The following UBE4B variants were observed in gnomAD, a reference collection of about 807,000 sequenced individuals.
UBE4B encodes ubiquitination factor E4B, also known as ubiquitin conjugation factor E4 B.
UBE4B carries 27 observed loss-of-function variants against 148.1 expected under a neutral mutation model. The observed-to-expected ratio is 0.18, with a 90% confidence interval of 0.13 to 0.25. The LOEUF (loss-of-function observed/expected upper bound fraction) is 0.25. Ranked by LOEUF, UBE4B falls within the 10% of genes least tolerant of loss-of-function variation. The probability of loss-of-function intolerance (pLI) is 1.00; values close to 1 mark genes in which losing one functional copy is unlikely to be tolerated. For synonymous variants in UBE4B, 596 were observed against 619.3 expected (o/e 0.96, Z 0.56); for missense variants, 1,170 against 1,662.4 (o/e 0.70, Z 5.15).
At chr1:10,132,519 A>C (rs369019073) in intron 15 of UBE4B, 37 bp downstream of exon 15, 5 of 1,579,804 alleles carry the variant, frequency 3.2e-6, no homozygotes, top group Non-Finnish European at 4.3e-6. Context: ...CTGTTTGTCA[A>C]ATTCATTCAT....
chr1:10,100,540 T>A (rs1370936936), intron 3 of UBE4B, among the ~76,000 whole-genome samples: 1 of 152,104 alleles, frequency 6.6e-6, no homozygotes, highest in Non-Finnish European at 1.5e-5. Context: ...GTAACCTACT[T>A]TAATGATATA....
At chr1:10,048,754 G>A (rs369172773) in intron 1 of UBE4B, among the ~76,000 whole-genome samples, 1 of 152,216 alleles carries the variant, frequency 6.6e-6, no homozygotes, top group Non-Finnish European at 1.5e-5. Flanking sequence ...GCTGACTGGA[G>A]CAAGTTCAAG....
chr1:10,171,328 A>C lies in UBE4B; in HGVS notation c.3524A>C (p.Gln1175Pro). The change falls in exon 25 of 28, where the codon CAG becomes CCG. Residue 1175 changes from glutamine (Q) to proline (P), a missense_variant and splice_region_variant. Transcript: ENST00000343090. ...TTCGCGAAAGCCATTGCTGACGACC[A>C]GGTCAGTGAGTTGAGTTGGTCTCTC... ...ARFAKAIADDQRSYSKELFEE... is the reference protein window; with the variant it reads ...ARFAKAIADDPRSYSKELFEE... 1 of 1,613,064 alleles carries C rather than the reference A, an allele frequency of 6.2e-7. No homozygotes were observed.
chr1:10,035,572 A>AT (rs952758264), intron 1 of UBE4B, among the ~76,000 whole-genome samples: 6 of 125,362 alleles, frequency 4.8e-5, no homozygotes, highest in East Asian at 2.5e-4. Flanking sequence ...AGTTTTTTGT[A>AT]TTTTTTTGTG....
intron 1 of UBE4B, among the ~76,000 whole-genome samples, chr1:10,038,726 T>C (rs1215286525): frequency 6.6e-6 from 1 of 152,222 alleles, no homozygotes; most frequent in Non-Finnish European, 1.5e-5. Flanking sequence ...CATGAATGCA[T>C]TCATGATGTG....
chr1:10,045,091 T>G (rs1349212359), intron 1 of UBE4B, among the ~76,000 whole-genome samples: 1 of 152,136 alleles, frequency 6.6e-6, no homozygotes, highest in Non-Finnish European at 1.5e-5. Flanking sequence ...CAGAACTCAA[T>G]GTAGGGTTCA....
Position 10,072,128 on chromosome 1 carries a change from T to C in UBE4B, c.125T>C (p.Ile42Thr), listed in dbSNP as rs768969960. 2 of 1,613,792 alleles carry C rather than the reference T, an allele frequency of 1.2e-6. No individual in the cohort carries two copies. Among genetic ancestry groups the C allele is most frequent in the South Asian group, 1.1e-5 (1 of 91,012 alleles). Residue 42 changes from isoleucine (I) to threonine (T), a missense_variant, in exon 2 of 28, where the codon ATA (isoleucine) becomes ACA (threonine). Physicochemically the swap from Ile to Thr is moderately conservative, Grantham distance 89. Transcript: ENST00000343090. ...AGGGAGAACCCTCCGGGGCCTCCCATAGCGGCATCAGCCCCAGGACCCTCT... is the reference window on the plus strand; with the variant it reads ...AGGGAGAACCCTCCGGGGCCTCCCACAGCGGCATCAGCCCCAGGACCCTCT... ...PQRENPPGPP[I>T]AASAPGPSQS...
intron 2 of UBE4B, among the ~76,000 whole-genome samples, chr1:10,077,114 A>G (rs1201380453): frequency 6.6e-6 from 1 of 152,006 alleles, no homozygotes; most frequent in African/African-American, 2.4e-5. Flanking sequence ...CCTATCAAAA[A>G]CTTTTGAAGG....
At chr1:10,033,748 TGGACAG>T in intron 1 of UBE4B, 54 bp downstream of exon 1, 1 of 1,499,650 alleles carries the variant, frequency 6.7e-7, no homozygotes, top group Non-Finnish European at 8.9e-7. Context: ...GTTAGCGCTT[TGGACAG>T]GGATGGTATT....
At chr1:10,129,525 G>T in intron 12 of UBE4B, 77 bp downstream of exon 12, 1 of 1,445,936 alleles carries the variant, frequency 6.9e-7, no homozygotes, top group Middle Eastern at 1.8e-4. Context: ...TAGTGAGATG[G>T]CCTGGAAAAT....
Position 10,106,575 on chromosome 1 carries a change from C to A in UBE4B, c.1188C>A (p.Ile396=). Residue 396 remains isoleucine, a synonymous_variant, in exon 7 of 28, where the codon ATC becomes ATA. Coordinates refer to ENST00000343090, the MANE Select transcript of UBE4B (RefSeq NM_001105562.3). This position sits in a 1 kb window ranked among gnomAD's most constrained non-coding sequence, Gnocchi z 4.2. ...GCAGACGCCCCTCCTCCCTGAGGAT[C>A]TCTCCTAGGTATTTATCCCACAGGA... The part of the protein sequence containing the change: ...ATSRRPSSLR[I]SPSLGASGGA... 6.4e-7 allele frequency: 1 copy of A among 1,567,360 alleles called. No homozygotes were observed. The highest frequency in any genetic ancestry group is 8.6e-7 in the Non-Finnish European group (1 of 1,164,128).
chr1:10,049,826 G>T (rs1643996395), intron 1 of UBE4B, among the ~76,000 whole-genome samples: 1 of 151,408 alleles, frequency 6.6e-6, no homozygotes. Flanking sequence ...GCAGGTCCAG[G>T]GTGCAGTGAG....
rs1005135250 is a variant in UBE4B, at chr1:10,146,406, C to T, written c.2464-557C>T. ...GGCAGAGGTTGCAGTGAGCCAAGAT[C>T]GCGCCACTGCACTTCAGCCTGGGCA... is the stretch of plus-strand genomic sequence containing the variant. On this transcript the variant is annotated intron_variant, in intron 18 of 27. Transcript: ENST00000343090. Among the ~76,000 whole-genome samples, 5 of 152,034 alleles carry T rather than the reference C, an allele frequency of 3.3e-5. No homozygotes were observed. The South Asian group carries it at 6.2e-4, about 19-fold the overall frequency.
intron 26 of UBE4B, chr1:10,179,200 C>A: frequency 1.7e-6 from 1 of 587,432 alleles, no homozygotes. Flanking sequence ...TGTTCCCTCC[C>A]CCCAGCAGTA....
intron 3 of UBE4B, chr1:10,100,803 C>G (rs968648523): frequency 3.9e-6 from 1 of 254,502 alleles, no homozygotes; most frequent in African/African-American, 2.3e-5. Context: ...ATCCACCTGC[C>G]TTGGCCTCCC....
chr1:10,164,186 C>A (rs1384038576), intron 23 of UBE4B, among the ~76,000 whole-genome samples: 9 of 151,930 alleles, frequency 5.9e-5, no homozygotes. Flanking sequence ...ACTAAAAATA[C>A]AAAATTTAGC....
chr1:10,095,503 T>G lies in UBE4B; in HGVS notation c.254T>G (p.Leu85Arg). 6.2e-7 allele frequency: 1 copy of G among 1,614,216 alleles called. No individual in the cohort carries two copies. Among genetic ancestry groups the G allele is most frequent in the Non-Finnish European group, 8.5e-7 (1 of 1,180,042 alleles). ...RSQSSEGVSSLSSSPSNSLET... is the reference protein window; with the variant it reads ...RSQSSEGVSSRSSSPSNSLET... The stretch of plus-strand genomic sequence containing the variant: ...CAGAGCAGTGAAGGAGTCAGTTCTC[T>G]CAGCAGCTCGCCCTCTAATAGCCTT... Residue 85 changes from leucine to arginine, a missense_variant, in exon 3 of 28, where the codon CTC (leucine) becomes CGC (arginine). By Grantham distance (102) the Leu-to-Arg change is moderately radical. Around this residue, in one of 6 missense-constraint regions of UBE4B, gnomAD observed 127 missense variants for 153.2 expected, o/e 0.83. Coordinates refer to ENST00000343090, the MANE Select transcript of UBE4B (RefSeq NM_001105562.3).
intron 2 of UBE4B, among the ~76,000 whole-genome samples, chr1:10,084,864 AT>A (rs201571950): frequency 2.7e-4 from 39 of 145,038 alleles, no homozygotes; most frequent in Non-Finnish European, 2.3e-4. Context: ...TTCCTGGCTA[AT>A]TTTTTTTTTT....
chr1:10,157,646 C>T (rs771632753), intron 21 of UBE4B, among the ~76,000 whole-genome samples: 12 of 151,926 alleles, frequency 7.9e-5, no homozygotes, highest in Admixed American at 2.6e-4. Context: ...GGCGTGGTGG[C>T]GCATGTCTAT....
Sources: allele counts gnomAD v4.1 joint callset (sites outside exome capture counted in the v4.1 genomes callset), GRCh38; gene constraint gnomAD v4.1.1; regional missense constraint gnomAD v4.1.1; non-coding constraint Gnocchi (gnomAD v3.1); transcripts MANE v1.5; gene names NCBI Gene and HGNC (gene_info 2026-07-23, HGNC 2026-07-21).